The following ECD variants were observed in gnomAD, a reference collection of about 807,000 sequenced individuals.
ECD encodes the protein protein ecdysoneless homolog.
A neutral mutation model predicts 77.2 loss-of-function variants in ECD; 59 were observed. That is an observed-to-expected ratio of 0.76 (90% CI 0.62 to 0.95). The LOEUF (loss-of-function observed/expected upper bound fraction) is 0.95. ECD is among the 40% of genes least tolerant of loss of function. The pLI is 0.00. For missense variants in ECD, 704 were observed against 763.4 expected, an observed-to-expected ratio of 0.92 and a Z score of 0.92; for synonymous variants, 233 against 267.4, an observed-to-expected ratio of 0.87 and a Z score of 1.26.
chr10:73,153,509 G>A (rs1843244792), intron 6 of ECD, among the ~76,000 whole-genome samples: 1 of 151,600 alleles, frequency 6.6e-6, no homozygotes, highest in South Asian at 2.1e-4. Flanking sequence ...GGCTGAGGTG[G>A]GTGAATCACT....
rs1843155923 is a variant in ECD at position 73,148,400 on chromosome 10, T to A, written c.917A>T (p.His306Leu). 1.2e-6 allele frequency: 2 copies of A among 1,611,106 alleles called. No homozygotes were observed. The highest frequency in any genetic ancestry group is 1.7e-6 in the Non-Finnish European group (2 of 1,178,920). ...TTTGGAGCATAAGATCTCAAATCCA[T>A]GAGCCTAGATGAGATAGGTAGAATT... is the stretch of plus-strand genomic sequence containing the variant. ...RAHELGMKLA[H>L]GFEILCSKCS... The change falls in exon 8 of 14, where the codon CAT becomes CTT. Residue 306 changes from histidine to leucine, a missense_variant. Physicochemically the swap from His to Leu is moderately conservative, Grantham distance 99. Around this residue, in one of 3 missense-constraint regions of ECD, gnomAD observed 559 missense variants for 583.7 expected, o/e 0.96. Transcript: ENST00000372979.
chr10:73,150,844 T>C (rs1401994938), intron 7 of ECD, among the ~76,000 whole-genome samples: 1 of 152,194 alleles, frequency 6.6e-6, no homozygotes, highest in African/African-American at 2.4e-5. Context: ...TCACACCAGT[T>C]AGAATGGCGA....
chr10:73,142,138 G>A (rs1336559638), intron 9 of ECD, among the ~76,000 whole-genome samples: 1 of 151,674 alleles, frequency 6.6e-6, no homozygotes, highest in Non-Finnish European at 1.5e-5. Flanking sequence ...AATTTGAGTA[G>A]CTGGGATTAC....
At chr10:73,135,590 G>A (rs1226903619) in intron 13 of ECD, among the ~76,000 whole-genome samples, 4 of 151,788 alleles carry the variant, frequency 2.6e-5, no homozygotes, top group African/African-American at 9.7e-5. Flanking sequence ...GCACGGTGGT[G>A]CGCACCTGTA....
At chr10:73,166,086 C>T (rs1843454642) in intron 1 of ECD, among the ~76,000 whole-genome samples, 1 of 152,098 alleles carries the variant, frequency 6.6e-6, no homozygotes, top group Non-Finnish European at 1.5e-5. Context: ...CTTTCTGTGC[C>T]ATCCTTATTT....
upstream of ECD, chr10:73,168,062 T>G (rs1301540773): frequency 4.1e-6 from 2 of 490,368 alleles, no homozygotes; most frequent in Non-Finnish European, 7.2e-6. Context: ...AAACCTTGTG[T>G]GTCGTCACTG....
At chr10:73,137,339 C>A (rs1224945350) in intron 12 of ECD, among the ~76,000 whole-genome samples, 1 of 152,062 alleles carries the variant, frequency 6.6e-6, no homozygotes, top group Non-Finnish European at 1.5e-5. Context: ...CTCTGCAGTT[C>A]TGTACATATA....
intron 9 of ECD, among the ~76,000 whole-genome samples, chr10:73,140,701 T>G (rs1457293122): frequency 2.1e-5 from 3 of 144,574 alleles, no homozygotes. Flanking sequence ...TAAAAATAAA[T>G]AAATTGGAGG....
At chr10:73,143,448 G>A (rs1843084345) in intron 9 of ECD, among the ~76,000 whole-genome samples, 1 of 152,190 alleles carries the variant, frequency 6.6e-6, no homozygotes, top group Non-Finnish European at 1.5e-5. Flanking sequence ...TTACAGGTGT[G>A]AGCCACTGCG....
chr10:73,136,862 AACAT>A lies in ECD; in HGVS notation c.1542_1545del (p.Glu514AspfsTer2). The A allele has an allele frequency of 6.2e-7, 1 of 1,613,982 alleles. No homozygotes were observed. The highest frequency in any genetic ancestry group is 2.2e-5 in the East Asian group (1 of 44,864). ...AAGTCCAAGTCATCATCACTATCTA[AACAT>A]TCAAAGTCTTCATCATCCAGATCAT... On this transcript the variant is annotated frameshift_variant, in exon 13 of 14. Transcript: ENST00000372979. LOFTEE classifies it high-confidence loss of function.
rs1404223461 is a variant in ECD, at chr10:73,139,509, A to C, written c.1235-14T>G. On this transcript the variant is annotated splice_polypyrimidine_tract_variant and intron_variant, in intron 10 of 13. Transcript: ENST00000372979. The stretch of plus-strand genomic sequence containing the variant: ...ACCACTGGTCATCTGAAAAAGAAGA[A>C]AGCATAATACTGCCATTCTACATTC... 6.2e-7 allele frequency: 1 copy of C among 1,612,052 alleles called. No individual in the cohort carries two copies. The highest frequency in any genetic ancestry group is 1.1e-5 in the South Asian group (1 of 90,848).
chr10:73,160,287 A>T (rs1369936662), intron 3 of ECD, 147 bp downstream of exon 3: 1 of 428,348 alleles, frequency 2.3e-6, no homozygotes, highest in Non-Finnish European at 3.8e-6. Flanking sequence ...CTGTCTCAAA[A>T]AAAAAAAAAA....
chr10:73,137,227 A>C (rs1019671787), intron 12 of ECD, among the ~76,000 whole-genome samples: 3 of 152,134 alleles, frequency 2.0e-5, no homozygotes, highest in Non-Finnish European at 2.9e-5. Flanking sequence ...AAATGAATAC[A>C]TTTTGATGTA....
chr10:73,139,252 A>G, intron 11 of ECD, 57 bp downstream of exon 11: 7 of 1,497,238 alleles, frequency 4.7e-6, no homozygotes, highest in South Asian at 1.4e-5. Flanking sequence ...GGCAATGACT[A>G]TGACTTCAAC....
chr10:73,140,362 A>G (rs1016207030), intron 9 of ECD, among the ~76,000 whole-genome samples: 2 of 151,954 alleles, frequency 1.3e-5, no homozygotes, highest in African/African-American at 4.8e-5. Context: ...ACTCTAAAAT[A>G]CAGAAGGGGT....
intron 2 of ECD, among the ~76,000 whole-genome samples, chr10:73,160,769 G>C (rs1339567112): frequency 6.6e-6 from 1 of 152,180 alleles, no homozygotes; most frequent in Non-Finnish European, 1.5e-5. Context: ...TCTAGAACAG[G>C]AGTGTGCAGT....
intron 7 of ECD, 68 bp from the exon 8 acceptor site, chr10:73,148,472 C>CT (rs1011718430): frequency 6.5e-6 from 10 of 1,548,968 alleles, no homozygotes; most frequent in Admixed American, 1.9e-5. Context: ...TAACACATTA[C>CT]TTTTTTTCCA....
At chr10:73,153,285 G>T (rs1843240815) in intron 6 of ECD, among the ~76,000 whole-genome samples, 1 of 151,924 alleles carries the variant, frequency 6.6e-6, no homozygotes, top group Admixed American at 6.6e-5. Context: ...GTAGCGATGG[G>T]GTTCACCATG....
At chr10:73,143,365 C>CA (rs11411973) in intron 9 of ECD, among the ~76,000 whole-genome samples, 152,259 of 152,260 alleles carry the variant, frequency 1, 76,129 homozygotes, top group Non-Finnish European at 1. Flanking sequence ...GACAGGGTTT[C>CA]CCATATTGGC....
Sources: allele counts gnomAD v4.1 joint callset (sites outside exome capture counted in the v4.1 genomes callset), GRCh38; gene constraint gnomAD v4.1.1; regional missense constraint gnomAD v4.1.1; transcripts MANE v1.5; gene names NCBI Gene and HGNC (gene_info 2026-07-23, HGNC 2026-07-21).